The following DDHD1 variants were observed in gnomAD, a reference collection of about 807,000 sequenced individuals.
DDHD1 encodes phospholipase DDHD1.
DDHD1 carries 49 observed loss-of-function variants against 96.4 expected under a neutral mutation model. That is an observed-to-expected ratio of 0.51 (90% CI 0.40 to 0.64). The LOEUF is 0.64. Ranked by LOEUF, DDHD1 falls within the 30% of genes least tolerant of loss-of-function variation. The pLI, the probability that DDHD1 is intolerant of heterozygous loss-of-function variation, is 0.00. For missense variants in DDHD1, 1,106 were observed against 1,161.2 expected, an observed-to-expected ratio of 0.95 and a Z score of 0.69; for synonymous variants, 442 against 446.5, an observed-to-expected ratio of 0.99 and a Z score of 0.13.
intron 1 of DDHD1, among the ~76,000 whole-genome samples, chr14:53,136,484 G>A (rs1162813436): frequency 6.6e-6 from 1 of 152,176 alleles, no homozygotes; most frequent in African/African-American, 2.4e-5. Flanking sequence ...TTTTGGCACT[G>A]TAGAAAGACA....
intron 2 of DDHD1, chr14:53,103,055 C>A: frequency 1.3e-6 from 2 of 1,566,484 alleles, no homozygotes; most frequent in Non-Finnish European, 1.7e-6. Context: ...CCACTGCCTG[C>A]AGTAAATGGA....
Position 53,084,974 on chromosome 14 carries a change from C to T in DDHD1, c.1289+6811G>A, listed in dbSNP as rs186973589. 7.9e-5 allele frequency among the ~76,000 whole-genome samples: 12 copies of T among 152,370 alleles called. No individual in the cohort carries two copies. The East Asian group carries it at 9.6e-4, about 12-fold the overall frequency. On this transcript the variant is annotated intron_variant, in intron 4 of 12. Transcript: ENST00000673822. The stretch of plus-strand genomic sequence containing the variant: ...GCAAATGTCACACCAGATTATATCC[C>T]GCGCCTGGCTCAGCGGGTCCCACAC...
chr14:53,055,641 A>C lies in DDHD1; in HGVS notation c.2245+19T>G, dbSNP rs1882980667. 1 of 1,611,206 alleles carries C rather than the reference A, an allele frequency of 6.2e-7. No homozygotes were observed. Among genetic ancestry groups the C allele is most frequent in the African/African-American group, 1.3e-5 (1 of 74,822 alleles). ...AAAGTGCTTATATGCATAGATAAGG[A>C]ATACATAAGAGAAATTACCTAATAT... On this transcript the variant is annotated intron_variant, in intron 10 of 12. Coordinates refer to ENST00000673822, the MANE Select transcript of DDHD1 (RefSeq NM_001160148.2).
intron 1 of DDHD1, among the ~76,000 whole-genome samples, chr14:53,151,266 A>C (rs1171536829): frequency 6.6e-6 from 1 of 152,236 alleles, no homozygotes; most frequent in Non-Finnish European, 1.5e-5. Flanking sequence ...TGTCACAATC[A>C]ATGAAGACAT....
chr14:53,062,833 T>C (rs1883705236), intron 7 of DDHD1, 110 bp downstream of exon 7: 3 of 1,165,948 alleles, frequency 2.6e-6, no homozygotes, highest in Admixed American at 5.0e-5. Context: ...AATCTTTGTA[T>C]CTTGAACAAT....
At chr14:53,129,289 C>T (rs1179268106) in intron 1 of DDHD1, among the ~76,000 whole-genome samples, 2 of 152,206 alleles carry the variant, frequency 1.3e-5, no homozygotes, top group East Asian at 1.9e-4. Context: ...CCAACCAGCC[C>T]AAGGAACATC....
intron 3 of DDHD1, 94 bp downstream of exon 3, chr14:53,093,222 A>G (rs778208000): frequency 3.0e-6 from 4 of 1,333,294 alleles, no homozygotes; most frequent in African/African-American, 1.5e-5. Flanking sequence ...TACTTAAAAC[A>G]TACTAAAAAC....
intron 6 of DDHD1, among the ~76,000 whole-genome samples, chr14:53,064,788 C>T (rs552094752): frequency 3.4e-4 from 52 of 152,152 alleles, no homozygotes; most frequent in African/African-American, 1.2e-3. Context: ...CATCTATGGT[C>T]AGACATTATG....
intron 7 of DDHD1, among the ~76,000 whole-genome samples, chr14:53,062,698 C>T (rs1490796762): frequency 1.3e-5 from 2 of 152,026 alleles, no homozygotes; most frequent in Non-Finnish European, 2.9e-5. Context: ...TCCTAACAAA[C>T]TGTGAAGAAA....
intron 4 of DDHD1, among the ~76,000 whole-genome samples, chr14:53,082,780 T>C (rs918713534): frequency 1.4e-5 from 2 of 145,406 alleles, no homozygotes; most frequent in Non-Finnish European, 3.0e-5. Context: ...AAAAAAGACA[T>C]GGGGTCTTGC....
At chr14:53,061,233 C>A in intron 7 of DDHD1, 32 bp from the exon 8 acceptor site, 1 of 1,548,350 alleles carries the variant, frequency 6.5e-7, no homozygotes, top group East Asian at 2.3e-5. Context: ...TATACACACA[C>A]GTATTTATAA....
At chr14:53,113,365 TA>T (rs1409015683) in intron 1 of DDHD1, among the ~76,000 whole-genome samples, 16 of 107,980 alleles carry the variant, frequency 1.5e-4, no homozygotes, top group East Asian at 2.3e-4. Flanking sequence ...TTTTTCTTTT[TA>T]AAAAAAAAAA....
intron 6 of DDHD1, among the ~76,000 whole-genome samples, chr14:53,069,837 T>C (rs1276947351): frequency 1.3e-5 from 2 of 152,172 alleles, no homozygotes; most frequent in African/African-American, 4.8e-5. Context: ...TGAAAATCAC[T>C]GCTAAAGATT....
rs1191513576 is a variant in DDHD1 at position 53,046,125 on chromosome 14, T to A, written c.*643A>T. On this transcript the variant is annotated 3_prime_UTR_variant, in exon 13 of 13. Coordinates refer to ENST00000673822, the MANE Select transcript of DDHD1 (RefSeq NM_001160148.2). ...TGGAGTTCTGAGAAAAAAGGGTTTA[T>A]CACTATAGAAAATAAATCTGGTTCT... 6.6e-6 allele frequency: 1 copy of A among 152,152 alleles called. No homozygotes were observed. Among genetic ancestry groups the A allele is most frequent in the African/African-American group, 2.4e-5 (1 of 41,448 alleles). 9.4% of individuals were successfully genotyped at this position (152,152 alleles called of 1,614,324 possible). A position where few individuals can be genotyped will look rare whatever the true frequency, so the allele number is the denominator to read the frequency against.
At chr14:53,081,000 A>G (rs1461429257) in intron 4 of DDHD1, among the ~76,000 whole-genome samples, 2 of 152,136 alleles carry the variant, frequency 1.3e-5, no homozygotes, top group African/African-American at 2.4e-5. Flanking sequence ...TCCCAATAGT[A>G]CTTGTTGAGA....
At chr14:53,125,745 A>G (rs961120457) in intron 1 of DDHD1, among the ~76,000 whole-genome samples, 8 of 147,122 alleles carry the variant, frequency 5.4e-5, no homozygotes, top group Non-Finnish European at 1.2e-4. Flanking sequence ...CCTGTCACCC[A>G]GGCTGGAGGG....
intron 1 of DDHD1, among the ~76,000 whole-genome samples, chr14:53,113,376 AC>A (rs199823032): frequency 0.026 from 2,987 of 115,998 alleles, 122 homozygotes; most frequent in African/African-American, 0.093. Context: ...AAAAAAAAAA[AC>A]CCCTGTACAA....
chr14:53,072,336 ATAAT>A (rs991629116), intron 6 of DDHD1, among the ~76,000 whole-genome samples: 11 of 152,100 alleles, frequency 7.2e-5, no homozygotes, highest in African/African-American at 2.4e-4. Context: ...AATCATAGAT[ATAAT>A]TAATTAGATT....
At chr14:53,100,922 T>C (rs1887248660) in intron 2 of DDHD1, among the ~76,000 whole-genome samples, 1 of 152,238 alleles carries the variant, frequency 6.6e-6, no homozygotes, top group African/African-American at 2.4e-5. Flanking sequence ...TATGTCTTCT[T>C]GTACTTACTC....
Sources: allele counts gnomAD v4.1 joint callset (sites outside exome capture counted in the v4.1 genomes callset), GRCh38; gene constraint gnomAD v4.1.1; transcripts MANE v1.5; gene names NCBI Gene and HGNC (gene_info 2026-07-23, HGNC 2026-07-21).